PIGK: variants seen among roughly 807,000 people sequenced by gnomAD.
PIGK encodes GPI-anchor transamidase.
In PIGK, 42 loss-of-function variants were observed where a neutral mutation model predicts 50.6. The observed-to-expected ratio is 0.83, with a 90% confidence interval of 0.65 to 1.07. PIGK has a LOEUF of 1.07. Ranked by LOEUF, PIGK falls within the 50% of genes least tolerant of loss-of-function variation. The probability of loss-of-function intolerance (pLI) is 0.00; values close to 1 mark genes in which losing one functional copy is unlikely to be tolerated. For missense variants in PIGK, 448 were observed against 488.7 expected (o/e 0.92, Z 0.78); for synonymous variants, 151 against 156.0 (o/e 0.97, Z 0.24).
chr1:77,210,329 T>C, intron 2 of PIGK, 107 bp downstream of exon 2: 2 of 564,354 alleles, frequency 3.5e-6, no homozygotes, highest in Non-Finnish European at 6.1e-6. Flanking sequence ...GAATTTCTGA[T>C]ATAAAATGTA....
chr1:77,117,806 T>G (rs1654012476), intron 10 of PIGK, among the ~76,000 whole-genome samples: 1 of 152,206 alleles, frequency 6.6e-6, no homozygotes, highest in Non-Finnish European at 1.5e-5. Flanking sequence ...TTCATTTTAG[T>G]AGTGTTCTTC....
chr1:77,114,083 C>T (rs1306547568), intron 10 of PIGK, among the ~76,000 whole-genome samples: 2 of 152,050 alleles, frequency 1.3e-5, no homozygotes, highest in African/African-American at 4.8e-5. Context: ...ATTTTCAATT[C>T]ATCAGAACAT....
chr1:77,187,982 T>C (rs370503780), intron 3 of PIGK, among the ~76,000 whole-genome samples: 1 of 152,246 alleles, frequency 6.6e-6, no homozygotes, highest in Non-Finnish European at 1.5e-5. Context: ...AATACCCTTG[T>C]GATTTCCTAT....
chr1:77,200,832 T>C (rs929613829), intron 3 of PIGK, among the ~76,000 whole-genome samples: 44 of 152,170 alleles, frequency 2.9e-4, no homozygotes, highest in African/African-American at 1.1e-3. Flanking sequence ...ATTTTTAGTA[T>C]GTAAAATGTG....
In PIGK at chr1:77,106,109, C is replaced by T. The variant is rs181668952; in HGVS notation, c.1072-13619G>A. Among the ~76,000 whole-genome samples, 26 of 152,270 alleles carry T rather than the reference C, an allele frequency of 1.7e-4. No homozygotes were observed. The East Asian group carries it at 1.9e-3, about 11-fold the overall frequency. ...AATGAATAATGCTTGTTTCCCGTTA[C>T]GCAAATATTCCTAAATGGGCAAACA... is the stretch of plus-strand genomic sequence containing the variant. On this transcript the variant is annotated intron_variant, in intron 10 of 10. Coordinates refer to ENST00000370812, the MANE Select transcript of PIGK (RefSeq NM_005482.3).
intron 9 of PIGK, chr1:77,129,223 A>G: frequency 1.3e-6 from 2 of 1,599,614 alleles, no homozygotes; most frequent in Non-Finnish European, 1.7e-6. Flanking sequence ...CAGGCCATCA[A>G]GGGTATGCAT....
chr1:77,209,687 C>T (rs1398592907), intron 2 of PIGK, among the ~76,000 whole-genome samples: 1 of 151,940 alleles, frequency 6.6e-6, no homozygotes, highest in African/African-American at 2.4e-5. Context: ...TCTAAATGCC[C>T]ATAAACTGGA....
intron 3 of PIGK, among the ~76,000 whole-genome samples, chr1:77,198,931 A>T (rs1656093923): frequency 1.3e-5 from 2 of 152,108 alleles, no homozygotes; most frequent in South Asian, 2.1e-4. Flanking sequence ...ATTCTAAAAA[A>T]GAATAAAGCC....
At chr1:77,176,850 GT>G (rs748515652) in intron 3 of PIGK, among the ~76,000 whole-genome samples, 14 of 152,028 alleles carry the variant, frequency 9.2e-5, no homozygotes, top group Non-Finnish European at 2.1e-4. Flanking sequence ...AGTCCTTAAA[GT>G]TTTTGTTATT....
intron 3 of PIGK, among the ~76,000 whole-genome samples, chr1:77,196,600 C>T (rs1346870981): frequency 6.6e-6 from 1 of 151,844 alleles, no homozygotes; most frequent in Non-Finnish European, 1.5e-5. Flanking sequence ...TGTTTTTTGG[C>T]CGTTTGTATG....
chr1:77,152,110 T>C (rs1231810603), intron 9 of PIGK, among the ~76,000 whole-genome samples: 2 of 151,886 alleles, frequency 1.3e-5, no homozygotes, highest in Non-Finnish European at 2.9e-5. Context: ...TTATACTACA[T>C]AGCTACAGTA....
intron 10 of PIGK, among the ~76,000 whole-genome samples, chr1:77,115,937 C>G (rs1305188685): frequency 6.6e-6 from 1 of 152,028 alleles, no homozygotes. Context: ...GGTCTTGTAT[C>G]TGAAATAGGG....
intron 10 of PIGK, among the ~76,000 whole-genome samples, chr1:77,102,248 T>G (rs1263476033): frequency 6.6e-6 from 1 of 152,242 alleles, no homozygotes; most frequent in African/African-American, 2.4e-5. Context: ...CTTAGTTTCC[T>G]GGTGACCACT....
chr1:77,215,309 G>A lies in PIGK; in HGVS notation c.93+4001C>T, dbSNP rs748954731. On this transcript the variant is annotated intron_variant, in intron 1 of 10. Transcript: ENST00000370812. ...CAAAAGACATACAAATGGCCCACAA[G>A]TGTATGAAAAAATGCTCAATATCAC... is the stretch of plus-strand genomic sequence containing the variant. Among the ~76,000 whole-genome samples the A allele has an allele frequency of 1.2e-3, 176 of 152,148 alleles. 2 individuals carry two copies. Among genetic ancestry groups the A allele is most frequent in the Non-Finnish European group, 2.1e-3 (141 of 67,956 alleles).
intron 3 of PIGK, among the ~76,000 whole-genome samples, chr1:77,200,609 T>A (rs936317737): frequency 6.6e-6 from 1 of 152,104 alleles, no homozygotes; most frequent in Non-Finnish European, 1.5e-5. Context: ...TAGATTGTCA[T>A]AAAAATAAAA....
rs147549240 is a variant in PIGK, at chr1:77,182,920, C to T, written c.240-13525G>A. Among the ~76,000 whole-genome samples the T allele has an allele frequency of 1.2e-4, 18 of 152,256 alleles. No individual in the cohort carries two copies. In the East Asian group the frequency reaches 3.3e-3, roughly 28 times the overall value. On this transcript the variant is annotated intron_variant, in intron 3 of 10. Coordinates refer to ENST00000370812, the MANE Select transcript of PIGK (RefSeq NM_005482.3). ...TGGAGAACCAAGGAACATAATGAAG[C>T]TGGTTGGTTGCTCCTAAGCTTGGTG...
At chr1:77,214,680 G>C (rs1398079635) in intron 1 of PIGK, among the ~76,000 whole-genome samples, 1 of 152,018 alleles carries the variant, frequency 6.6e-6, no homozygotes, top group Non-Finnish European at 1.5e-5. Flanking sequence ...GAAATAAAAG[G>C]CATCCCAACT....
At chr1:77,137,664 T>C (rs186080256) in intron 9 of PIGK, among the ~76,000 whole-genome samples, 3 of 152,256 alleles carry the variant, frequency 2.0e-5, no homozygotes, top group South Asian at 2.1e-4. Flanking sequence ...AATGGCACAA[T>C]CTTGGTTTGG....
intron 3 of PIGK, among the ~76,000 whole-genome samples, chr1:77,176,581 T>C (rs189150183): frequency 6.6e-6 from 1 of 152,266 alleles, no homozygotes; most frequent in East Asian, 1.9e-4. Context: ...GCTCCTGCAG[T>C]TTCTCAAAAC....
Sources: allele counts gnomAD v4.1 joint callset (sites outside exome capture counted in the v4.1 genomes callset), GRCh38; gene constraint gnomAD v4.1.1; transcripts MANE v1.5; gene names NCBI Gene and HGNC (gene_info 2026-07-23, HGNC 2026-07-21).